DYTN: variants seen among roughly 807,000 people sequenced by gnomAD.
The protein encoded by DYTN is dystrotelin.
A neutral mutation model predicts 69.6 loss-of-function variants in DYTN; 75 were observed. The observed-to-expected ratio is 1.08, with a 90% CI of 0.89 to 1.31. The LOEUF is 1.31. DYTN is among the 50% of genes most tolerant of loss of function. The probability of loss-of-function intolerance (pLI) is 0.00; values close to 1 mark genes in which losing one functional copy is unlikely to be tolerated. For synonymous variants in DYTN, 252 were observed against 249.1 expected (o/e 1.01, Z -0.11); for missense variants, 726 against 688.4 (o/e 1.05, Z -0.61).
At chr2:206,671,181 C>G (rs141732246) in intron 9 of DYTN, among the ~76,000 whole-genome samples, 1 of 152,078 alleles carries the variant, frequency 6.6e-6, no homozygotes, top group African/African-American at 2.4e-5. Flanking sequence ...TCCCACACAT[C>G]GGAATGAAAG....
At chr2:206,715,686 A>G (rs1286321215) in intron 1 of DYTN, among the ~76,000 whole-genome samples, 1 of 152,246 alleles carries the variant, frequency 6.6e-6, no homozygotes, top group Non-Finnish European at 1.5e-5. Flanking sequence ...GAATAATTCA[A>G]AGAGGTTGGC....
chr2:206,702,247 T>A (rs1357801476), intron 5 of DYTN, among the ~76,000 whole-genome samples: 1 of 152,258 alleles, frequency 6.6e-6, no homozygotes, highest in Non-Finnish European at 1.5e-5. Context: ...CATGTACCTG[T>A]CACCTCCATT....
At chr2:206,666,579 A>T (rs1699574584) in intron 9 of DYTN, among the ~76,000 whole-genome samples, 1 of 152,124 alleles carries the variant, frequency 6.6e-6, no homozygotes. Flanking sequence ...ATGAAAGTAC[A>T]CCCGTCATGG....
intron 7 of DYTN, among the ~76,000 whole-genome samples, chr2:206,699,414 C>T (rs1172789495): frequency 6.6e-6 from 1 of 152,162 alleles, no homozygotes; most frequent in African/African-American, 2.4e-5. Context: ...GCCTGGGTGA[C>T]AGAGACCCTG....
chr2:206,702,275 G>A (rs1033139998), intron 5 of DYTN, among the ~76,000 whole-genome samples: 6 of 152,184 alleles, frequency 3.9e-5, no homozygotes, highest in South Asian at 2.1e-4. Context: ...ATTTGGTCAC[G>A]GGTCCTAATT....
At chr2:206,710,258 AG>A (rs1332590280) in intron 2 of DYTN, among the ~76,000 whole-genome samples, 3 of 152,246 alleles carry the variant, frequency 2.0e-5, no homozygotes, top group Non-Finnish European at 2.9e-5. Flanking sequence ...TTCTAGAAGA[AG>A]CCAAGTGGAG....
intron 7 of DYTN, among the ~76,000 whole-genome samples, chr2:206,695,386 CA>C (rs1300570755): frequency 6.6e-6 from 1 of 152,056 alleles, no homozygotes; most frequent in Non-Finnish European, 1.5e-5. Context: ...CCATAAATAA[CA>C]AATTTAAAAA....
intron 1 of DYTN, among the ~76,000 whole-genome samples, chr2:206,710,967 A>G (rs1700074338): frequency 6.6e-6 from 1 of 152,264 alleles, no homozygotes; most frequent in Non-Finnish European, 1.5e-5. Flanking sequence ...TTATGCATAA[A>G]TGAAAAAGAC....
intron 1 of DYTN, 57 bp from the exon 2 acceptor site, chr2:206,710,655 C>T (rs1194831191): frequency 3.0e-6 from 4 of 1,348,826 alleles, no homozygotes; most frequent in Middle Eastern, 2.0e-4. Context: ...ATAAATCCCA[C>T]ATCATGGAAG....
intron 1 of DYTN, among the ~76,000 whole-genome samples, chr2:206,714,711 G>A (rs1700111267): frequency 6.6e-6 from 1 of 152,100 alleles, no homozygotes; most frequent in Non-Finnish European, 1.5e-5. Context: ...GCTGCATGGT[G>A]TAGCCAGGGA....
intron 9 of DYTN, among the ~76,000 whole-genome samples, chr2:206,688,892 C>A (rs1169091582): frequency 6.6e-6 from 1 of 151,934 alleles, no homozygotes; most frequent in East Asian, 1.9e-4. Context: ...GAGATTCTTA[C>A]AAAATTTATA....
chr2:206,656,582 T>A (rs1364125634), intron 11 of DYTN, among the ~76,000 whole-genome samples: 1 of 152,076 alleles, frequency 6.6e-6, no homozygotes, highest in Non-Finnish European at 1.5e-5. Context: ...GCTGTCTTTT[T>A]AAAAAAATAT....
intron 1 of DYTN, among the ~76,000 whole-genome samples, chr2:206,715,743 C>T (rs1412939199): frequency 2.6e-5 from 4 of 152,084 alleles, no homozygotes; most frequent in East Asian, 1.9e-4. Context: ...GGTTAGAGAA[C>T]CATAGGAGTT....
chr2:206,667,748 T>C lies in DYTN; in HGVS notation c.981-1719A>G, dbSNP rs764863645. Among the ~76,000 whole-genome samples, 7 of 151,874 alleles carry C rather than the reference T, an allele frequency of 4.6e-5. No homozygotes were observed. The South Asian group carries it at 8.3e-4, about 18-fold the overall frequency. On this transcript the variant is annotated intron_variant, in intron 9 of 11. Coordinates refer to ENST00000452335, the MANE Select transcript of DYTN (RefSeq NM_001093730.1). ...TGTGTGTGTTGACATGTCTTCTGGA[T>C]CAGGCCTAAAATAGTTCCTGTCATA... is the stretch of plus-strand genomic sequence containing the variant.
chr2:206,659,349 A>AT (rs1355736396), intron 11 of DYTN, among the ~76,000 whole-genome samples: 1 of 149,732 alleles, frequency 6.7e-6, no homozygotes, highest in East Asian at 1.9e-4. Flanking sequence ...TTTTTTTTGT[A>AT]TTTTTTAGTA....
At chr2:206,679,537 T>C (rs1699727446) in intron 9 of DYTN, among the ~76,000 whole-genome samples, 1 of 152,176 alleles carries the variant, frequency 6.6e-6, no homozygotes, top group African/African-American at 2.4e-5. Flanking sequence ...ACATATAATA[T>C]ATCAGACTAG....
intron 4 of DYTN, among the ~76,000 whole-genome samples, chr2:206,705,563 A>C (rs1017060722): frequency 2.6e-5 from 4 of 152,258 alleles, no homozygotes; most frequent in Non-Finnish European, 5.9e-5. Context: ...GTGTCTAGGT[A>C]ATCCCTAAAC....
Position 206,659,484 on chromosome 2 carries a change from C to CAAAAAAAAAAAA in DYTN, c.1633+3407_1633+3418dup, listed in dbSNP as rs772861150. Among the ~76,000 whole-genome samples, 25 of 64,570 alleles carry CAAAAAAAAAAAA rather than the reference C, an allele frequency of 3.9e-4. 1 individual carries two copies. The highest frequency in any genetic ancestry group is 1.2e-3 in the African/African-American group (22 of 17,622). The allele number at this position is 64,570 out of a possible 152,430, so 42.4% of individuals were successfully genotyped here. ...CCACCACGCCGGGCCCAACAATTCT[C>CAAAAAAAAAAAA]AAAAAAAAAAAAAAAAAAAAAAAAA... On this transcript the variant is annotated intron_variant, in intron 11 of 11. Transcript: ENST00000452335.
intron 1 of DYTN, among the ~76,000 whole-genome samples, chr2:206,716,093 C>A (rs1700127945): frequency 6.6e-6 from 1 of 151,972 alleles, no homozygotes; most frequent in Non-Finnish European, 1.5e-5. Context: ...TCTCAAAAAA[C>A]AAACAAACAA....
Sources: allele counts gnomAD v4.1 joint callset (sites outside exome capture counted in the v4.1 genomes callset), GRCh38; gene constraint gnomAD v4.1.1; transcripts MANE v1.5; gene names NCBI Gene and HGNC (gene_info 2026-07-23, HGNC 2026-07-21).